Variants in PIDD1 observed in about 807,000 individuals in gnomAD.
PIDD1 encodes the protein p53-induced death domain protein 1, also known as p53-induced death domain-containing protein 1.
A neutral mutation model predicts 80.0 loss-of-function variants in PIDD1; 72 were observed. That is an observed-to-expected ratio of 0.90 (90% CI 0.74 to 1.09). PIDD1 has a LOEUF of 1.09. Among genes scored for constraint, PIDD1 ranks in the 50% least tolerant of loss-of-function variants. The pLI is 0.00. For synonymous variants in PIDD1, 655 were observed against 543.5 expected, an observed-to-expected ratio of 1.21 and a Z score of -2.85; for missense variants, 1,329 against 1,228.3, an observed-to-expected ratio of 1.08 and a Z score of -1.23.
In PIDD1 at chr11:800,490, G is replaced by C. The variant is rs558397341; in HGVS notation, c.2042-39C>G. The stretch of plus-strand genomic sequence containing the variant: ...GTGGGCTGAGCAAGGAGGGCTCGGG[G>C]AGGACGGTAAGGCTCCCCCTCCAGG... On this transcript the variant is annotated intron_variant, in intron 12 of 15. Transcript: ENST00000347755. The C allele has an allele frequency of 4.6e-5, 74 of 1,610,220 alleles. 1 individual carries two copies. The South Asian group carries it at 7.3e-4, about 16-fold the overall frequency.
chr11:805,710 C>A, upstream of PIDD1: 1 of 983,834 alleles, frequency 1.0e-6, no homozygotes, highest in Non-Finnish European at 1.2e-6. Context: ...TCTGGGCCTG[C>A]AAAGACCCTT....
In PIDD1 at chr11:802,526, C is replaced by G. The variant is rs983935920; in HGVS notation, c.974+17G>C. On this transcript the variant is annotated intron_variant, in intron 5 of 15. Coordinates refer to ENST00000347755, the MANE Select transcript of PIDD1 (RefSeq NM_145886.4). ...GGCAGACAGACTCCCCTCCAGCCCCCTCAACCCACCCCATACCTGTCCAAA... is the reference window on the plus strand; with the variant it reads ...GGCAGACAGACTCCCCTCCAGCCCCGTCAACCCACCCCATACCTGTCCAAA... 1.9e-6 allele frequency: 3 copies of G among 1,612,616 alleles called. No individual in the cohort carries two copies. Among genetic ancestry groups the G allele is most frequent in the African/African-American group, 1.3e-5 (1 of 74,894 alleles).
Position 799,414 on chromosome 11 carries a change from C to T in PIDD1, c.2626G>A (p.Gly876Ser), listed in dbSNP as rs747708033. ...ATGCTGTCCTGGTACTTGCGGCGGCCGAGCTCCAAGACTGCGCGCACCTCT... is the reference window on the plus strand; with the variant it reads ...ATGCTGTCCTGGTACTTGCGGCGGCTGAGCTCCAAGACTGCGCGCACCTCT... ...AEEVRAVLEL[G>S]RRKYQDSIRR... The change falls in exon 16 of 16, where the codon GGC (glycine) becomes AGC (serine). Residue 876 changes from glycine (G) to serine (S), a missense_variant. Gly to Ser is a moderately conservative substitution (Grantham distance 56, BLOSUM62 0). Transcript: ENST00000347755. The T allele has an allele frequency of 5.2e-5, 83 of 1,611,574 alleles. No individual in the cohort carries two copies. The highest frequency in any genetic ancestry group is 7.7e-5 in the South Asian group (7 of 91,076).
Position 801,348 on chromosome 11 carries a change from G to C in PIDD1, c.1500C>G (p.Gly500=). The C allele has an allele frequency of 6.2e-7, 1 of 1,609,080 alleles. No individual in the cohort carries two copies. Among genetic ancestry groups the C allele is most frequent in the Non-Finnish European group, 8.5e-7 (1 of 1,178,064 alleles). ...RVSMQVVRMA[G]RELQALLGEP... ...CTCCCAGGAGGGCCTGCAGCTCTCG[G>C]CCAGCCATGCGCACCACCTGGGGCA... Residue 500 remains glycine (G), a synonymous_variant, in exon 9 of 16, where the codon GGC becomes GGG. Transcript: ENST00000347755.
chr11:805,628 C>T, upstream of PIDD1: 1 of 985,496 alleles, frequency 1.0e-6, no homozygotes, highest in South Asian at 4.7e-5. Context: ...CTGCTACAAG[C>T]CGGAACAATT....
At chr11:801,717 G>A (rs765575234) in intron 7 of PIDD1, 93 bp from the exon 8 acceptor site, 21 of 1,180,744 alleles carry the variant, frequency 1.8e-5, no homozygotes, top group Non-Finnish European at 2.4e-5. Context: ...GACGGGGCGG[G>A]GTGGAAGGTG....
upstream of PIDD1, chr11:805,372 C>A: frequency 2.7e-6 from 1 of 375,096 alleles, no homozygotes. Flanking sequence ...CGCCTTCCCT[C>A]CGCCTGTCGC....
chr11:805,477 G>T, upstream of PIDD1: 1 of 413,466 alleles, frequency 2.4e-6, no homozygotes, highest in Non-Finnish European at 3.3e-6. Flanking sequence ...GAGCCGTACA[G>T]CCTCCCCCGC....
chr11:800,102 C>T (rs1216811986), intron 14 of PIDD1, 29 bp downstream of exon 14: 1 of 1,606,646 alleles, frequency 6.2e-7, no homozygotes, highest in African/African-American at 1.3e-5. Flanking sequence ...TCGGTCCTGC[C>T]CCGCCCCTCT....
At chr11:807,008 A>G (rs558991771), upstream of PIDD1, among the ~76,000 whole-genome samples, 8 of 152,024 alleles carry the variant, frequency 5.3e-5, no homozygotes, top group Non-Finnish European at 1.0e-4. Flanking sequence ...TCTGGCCAAT[A>G]TGGTGAAACC....
At chr11:805,634 C>A (rs536759983), upstream of PIDD1, 4 of 985,392 alleles carry the variant, frequency 4.1e-6, no homozygotes, top group South Asian at 9.4e-5. Flanking sequence ...CAAGCCGGAA[C>A]AATTGCAGTG....
In PIDD1 at chr11:801,474, T is replaced by G; in HGVS notation, c.1453A>C (p.Thr485Pro). 1 of 1,544,882 alleles carries G rather than the reference T, an allele frequency of 6.5e-7. No homozygotes were observed. Among genetic ancestry groups the G allele is most frequent in the Non-Finnish European group, 8.7e-7 (1 of 1,143,038 alleles). ...GVKVIFPPGA[T>P]EEPRRVSMQV... ...ATGGAGACTCGACGAGGCTCCTCAG[T>G]GGCCCCAGGGGGGAAGATGACTTTG... Residue 485 changes from threonine (T) to proline (P), a missense_variant, in exon 8 of 16, where the codon ACT (threonine) becomes CCT (proline). Coordinates refer to ENST00000347755, the MANE Select transcript of PIDD1 (RefSeq NM_145886.4).
chr11:799,353 A>G lies in PIDD1; in HGVS notation c.2687T>C (p.Leu896Pro), dbSNP rs1246373106. The G allele has an allele frequency of 1.2e-6, 2 of 1,610,538 alleles. No homozygotes were observed. Among genetic ancestry groups the G allele is most frequent in the African/African-American group, 2.7e-5 (2 of 74,950 alleles). ...GGGCTGTGGAGCCGAGGAGCCAGGC[A>G]GAGCGGGGTCCTTGGGGGCCAAGCC... ...RMGLAPKDPALPGSSAPQPPE... is the reference protein window; with the variant it reads ...RMGLAPKDPAPPGSSAPQPPE... The change falls in exon 16 of 16, where the codon CTG becomes CCG. Residue 896 changes from leucine to proline, a missense_variant. By Grantham distance (98) the Leu-to-Pro change is moderately conservative. Coordinates refer to ENST00000347755, the MANE Select transcript of PIDD1 (RefSeq NM_145886.4).
chr11:802,483 G>A (rs1484001531), intron 5 of PIDD1, 60 bp downstream of exon 5: 17 of 1,600,032 alleles, frequency 1.1e-5, no homozygotes, highest in Middle Eastern at 1.7e-4. Flanking sequence ...AGAAGGTGTC[G>A]GAGGGGCCAG....
intron 1 of PIDD1, 105 bp from the exon 2 acceptor site, chr11:804,568 G>C (rs1865648122): frequency 8.3e-7 from 1 of 1,208,822 alleles, no homozygotes. Context: ...AGGCCATCTG[G>C]GCCTGGGCTG....
Position 803,206 on chromosome 11 carries a change from G to A in PIDD1, c.677C>T (p.Ser226Phe), listed in dbSNP as rs373535114. 17 of 1,610,330 alleles carry A rather than the reference G, an allele frequency of 1.1e-5. No individual in the cohort carries two copies. Among genetic ancestry groups the A allele is most frequent in the Non-Finnish European group, 1.4e-5 (17 of 1,179,320 alleles). ...LGSLLELNLASNRLQSLPASL... is the reference protein window; with the variant it reads ...LGSLLELNLAFNRLQSLPASL... ...GGCTGGGAGGCTCTGCAGCCGGTTG[G>A]AGGCCAGGTTGAGCTCCAGGAGGCT... The change falls in exon 3 of 16, where the codon TCC becomes TTC. Residue 226 changes from serine to phenylalanine, a missense_variant. Transcript: ENST00000347755.
At position 804,460 on chromosome 11, in the gene PIDD1, G is replaced by A. The variant is rs1035759939; in HGVS notation, c.-72C>T. On this transcript the variant is annotated 5_prime_UTR_variant, in exon 2 of 16. Transcript: ENST00000347755. The stretch of plus-strand genomic sequence containing the variant: ...CAGGCCTGTCCAGGCAGCGCCCGGG[G>A]AAGCTGCAGAGGCAGGAGGAGGAGT... The A allele has an allele frequency of 1.5e-5, 22 of 1,505,042 alleles. No homozygotes were observed. Among genetic ancestry groups the A allele is most frequent in the Non-Finnish European group, 8.8e-7 (1 of 1,133,094 alleles). 93.2% of individuals were successfully genotyped at this position (1,505,042 alleles called of 1,614,324 possible). A position where few individuals can be genotyped will look rare whatever the true frequency, so the allele number is the denominator to read the frequency against.
rs1380474900 is a variant in PIDD1 at position 799,544 on chromosome 11, G to C, written c.2496C>G (p.Ile832Met). Residue 832 changes from isoleucine to methionine, a missense_variant, in exon 16 of 16, where the codon ATC (isoleucine) becomes ATG (methionine). Ile to Met is a conservative substitution (Grantham distance 10). Coordinates refer to ENST00000347755, the MANE Select transcript of PIDD1 (RefSeq NM_145886.4). Reference sequence around the variant, plus strand: ...CAGCCCAGGAGAAGAGCATGTGACGGATCTGCTCATCCAGATCATCCCTGC... The same window carrying C: ...CAGCCCAGGAGAAGAGCATGTGACGCATCTGCTCATCCAGATCATCCCTGC... ...HEFRDDLDEQ[I>M]RHMLFSWAER... The C allele has an allele frequency of 6.2e-7, 1 of 1,601,568 alleles. No individual in the cohort carries two copies. Among genetic ancestry groups the C allele is most frequent in the Admixed American group, 1.7e-5 (1 of 59,906 alleles).
intron 15 of PIDD1, 43 bp downstream of exon 15, chr11:799,744 ATCAGGTGGGCCCTCCAGGCAGCCAGGGC>A: frequency 7.2e-7 from 1 of 1,395,772 alleles, no homozygotes; most frequent in Non-Finnish European, 9.5e-7. Flanking sequence ...TTCTGTCAGA[ATCAGGTGGGCCCTCCAGGCAGCCAGGGC>A]TCAGCCCTGG....
Sources: gnomAD v4.1 joint callset for allele counts (sites outside exome capture counted in the v4.1 genomes callset) on GRCh38, gnomAD v4.1.1 for gene constraint, MANE v1.5 for transcripts, NCBI Gene and HGNC (gene_info 2026-07-23, HGNC 2026-07-21) for gene names.